SNAP25: variants seen among roughly 807,000 people sequenced by gnomAD.
SNAP25 encodes synaptosome associated protein 25, also known as synaptosomal-associated protein 25.
In SNAP25, 3 loss-of-function variants were observed where a neutral mutation model predicts 28.7. The ratio of observed to expected loss-of-function variants is 0.10; its 90% confidence interval spans 0.05 to 0.27. The LOEUF (loss-of-function observed/expected upper bound fraction) is 0.27, where lower values mean the gene tolerates loss of function less well. Ranked by LOEUF, SNAP25 falls within the 10% of genes least tolerant of loss-of-function variation. The probability of loss-of-function intolerance (pLI) is 1.00; values close to 1 mark genes in which losing one functional copy is unlikely to be tolerated. For missense variants in SNAP25, 117 were observed against 278.7 expected, an observed-to-expected ratio of 0.42 and a Z score of 4.13; for synonymous variants, 61 against 88.1, an observed-to-expected ratio of 0.69 and a Z score of 1.72.
chr20:10,241,632 T>C (rs2063035758), intron 1 of SNAP25, among the ~76,000 whole-genome samples: 1 of 152,052 alleles, frequency 6.6e-6, no homozygotes, highest in South Asian at 2.1e-4. Context: ...GGAGGAGATG[T>C]TTATGCTGAG....
chr20:10,292,940 T>A (rs1488330239), intron 4 of SNAP25: 12 of 1,613,690 alleles, frequency 7.4e-6, no homozygotes, highest in Non-Finnish European at 1.0e-5. Flanking sequence ...TGAAGGAGGC[T>A]GAGAAAAATT....
At chr20:10,271,634 C>T (rs1046022450) in intron 1 of SNAP25, among the ~76,000 whole-genome samples, 4 of 152,198 alleles carry the variant, frequency 2.6e-5, no homozygotes, top group African/African-American at 7.2e-5. Flanking sequence ...GGAGCCAGGG[C>T]GCCCTACAGC....
intron 1 of SNAP25, among the ~76,000 whole-genome samples, chr20:10,231,920 A>G (rs577406316): frequency 1.3e-5 from 2 of 152,302 alleles, no homozygotes; most frequent in African/African-American, 4.8e-5. Context: ...TACTGCTTAC[A>G]TCTCTTTGGA....
intron 1 of SNAP25, among the ~76,000 whole-genome samples, chr20:10,274,572 G>A (rs533325934): frequency 1.7e-4 from 26 of 152,260 alleles, no homozygotes; most frequent in African/African-American, 6.3e-4. Context: ...GGCTGGGTGC[G>A]GTGGCTCACG....
intron 4 of SNAP25, among the ~76,000 whole-genome samples, chr20:10,290,036 A>G (rs1391330051): frequency 6.6e-6 from 1 of 152,110 alleles, no homozygotes; most frequent in Non-Finnish European, 1.5e-5. Flanking sequence ...ATAAACAGAA[A>G]TGAGCCAGAA....
rs1488628548 is a variant in SNAP25, at chr20:10,306,163, A to G, written c.587A>G (p.Asn196Ser). ...DSNKTRIDEA[N>S]QRATKMLGSG ...AACAAAACCAGAATTGATGAGGCCA[A>G]CCAACGTGCAACAAAGATGCTGGGA... The change falls in exon 8 of 8, where the codon AAC becomes AGC. Residue 196 changes from asparagine (N) to serine (S), a missense_variant. Asn to Ser is a conservative substitution (Grantham distance 46). Coordinates refer to ENST00000254976, the MANE Select transcript of SNAP25 (RefSeq NM_130811.4). 6.2e-7 allele frequency: 1 copy of G among 1,613,624 alleles called. No homozygotes were observed. The highest frequency in any genetic ancestry group is 8.5e-7 in the Non-Finnish European group (1 of 1,179,846).
At chr20:10,279,700 T>C (rs1021831824) in intron 3 of SNAP25, among the ~76,000 whole-genome samples, 2 of 152,250 alleles carry the variant, frequency 1.3e-5, no homozygotes, top group African/African-American at 4.8e-5. Flanking sequence ...TCGAATCATA[T>C]GTTTTTGTTT....
intron 1 of SNAP25, among the ~76,000 whole-genome samples, chr20:10,226,159 G>A (rs2062730882): frequency 6.6e-6 from 1 of 152,154 alleles, no homozygotes; most frequent in East Asian, 1.9e-4. Flanking sequence ...TGGTCTGGCA[G>A]CTAGGTATAG....
chr20:10,249,015 G>A (rs1219462357), intron 1 of SNAP25, among the ~76,000 whole-genome samples: 3 of 152,242 alleles, frequency 2.0e-5, no homozygotes, highest in South Asian at 2.1e-4. Flanking sequence ...AGAAAGATTC[G>A]ATAAATAGGC....
intron 1 of SNAP25, among the ~76,000 whole-genome samples, chr20:10,224,432 A>G (rs2122617505): frequency 6.6e-6 from 1 of 151,838 alleles, no homozygotes; most frequent in South Asian, 2.1e-4. Flanking sequence ...TAGTCAGTGC[A>G]CCACTGTTGA....
At chr20:10,244,733 CTTTT>C (rs112632869) in intron 1 of SNAP25, among the ~76,000 whole-genome samples, 1 of 140,576 alleles carries the variant, frequency 7.1e-6, no homozygotes, top group Non-Finnish European at 1.5e-5. Context: ...TTCTTTCTCT[CTTTT>C]TTTTTTTTTT....
intron 5 of SNAP25, among the ~76,000 whole-genome samples, chr20:10,294,891 C>T (rs1013613300): frequency 6.6e-6 from 1 of 152,056 alleles, no homozygotes; most frequent in Non-Finnish European, 1.5e-5. Context: ...AGATTTCCAT[C>T]CATTTCATGA....
At position 10,275,476 on chromosome 20, in the gene SNAP25, A is replaced by C; in HGVS notation, c.-16A>C. The stretch of plus-strand genomic sequence containing the variant: ...GACCCCCCAGCCCAGGCGCCCAGCC[A>C]CTCCCCACCGCTACCATGGCCGAAG... On this transcript the variant is annotated 5_prime_UTR_variant, in exon 2 of 8. Coordinates refer to ENST00000254976, the MANE Select transcript of SNAP25 (RefSeq NM_130811.4). 6.3e-7 allele frequency: 1 copy of C among 1,596,486 alleles called. No individual in the cohort carries two copies. The highest frequency in any genetic ancestry group is 8.5e-7 in the Non-Finnish European group (1 of 1,171,244).
intron 1 of SNAP25, among the ~76,000 whole-genome samples, chr20:10,254,954 C>G (rs1256757172): frequency 6.6e-6 from 1 of 152,124 alleles, no homozygotes; most frequent in Admixed American, 6.5e-5. Flanking sequence ...GGGTCTGTGC[C>G]TTCCGACTGT....
rs1351214184 is a variant in SNAP25, at chr20:10,300,103, G to A, written c.552+691G>A. On this transcript the variant is annotated intron_variant, in intron 7 of 7. Transcript: ENST00000254976. ...AGGGAATTTTATATGATGAAATTGA[G>A]TTTACACAAGGACACCAGACTTGGC... Among the ~76,000 whole-genome samples, 4 of 151,372 alleles carry A rather than the reference G, an allele frequency of 2.6e-5. No individual in the cohort carries two copies. In the Admixed American group the frequency reaches 2.6e-4, roughly 10 times the overall value.
At chr20:10,244,434 T>C (rs530459711) in intron 1 of SNAP25, among the ~76,000 whole-genome samples, 10 of 152,306 alleles carry the variant, frequency 6.6e-5, no homozygotes, top group African/African-American at 1.9e-4. Flanking sequence ...TCCATCTTCA[T>C]AAAAAGAATT....
chr20:10,224,960 A>G (rs2062708726), intron 1 of SNAP25, among the ~76,000 whole-genome samples: 1 of 151,998 alleles, frequency 6.6e-6, no homozygotes, highest in Non-Finnish European at 1.5e-5. Context: ...GCAAAGAGGA[A>G]ACAGAAGCTT....
chr20:10,259,823 C>T (rs767002683), intron 1 of SNAP25, among the ~76,000 whole-genome samples: 23 of 152,178 alleles, frequency 1.5e-4, no homozygotes, highest in Admixed American at 1.0e-3. Flanking sequence ...AGGCTTGAGC[C>T]GCTGTGCCCA....
chr20:10,306,279 T>A lies in SNAP25; in HGVS notation c.*82T>A. ...TTTTCTCATGGTATTATCTAGTAGG[T>A]CTGCACACATAACACACATCAGTCC... is the stretch of plus-strand genomic sequence containing the variant. On this transcript the variant is annotated 3_prime_UTR_variant, in exon 8 of 8. Transcript: ENST00000254976. 7.8e-7 allele frequency: 1 copy of A among 1,283,228 alleles called. No homozygotes were observed. The highest frequency in any genetic ancestry group is 1.2e-5 in the South Asian group (1 of 81,592). The allele number at this position is 1,283,228 out of a possible 1,614,324, so 79.5% of individuals were successfully genotyped here.
Sources: allele counts gnomAD v4.1 joint callset (sites outside exome capture counted in the v4.1 genomes callset), GRCh38; gene constraint gnomAD v4.1.1; transcripts MANE v1.5; gene names NCBI Gene and HGNC (gene_info 2026-07-23, HGNC 2026-07-21).